LATS2: variants seen among roughly 807,000 people sequenced by gnomAD.
LATS2 encodes the protein serine/threonine-protein kinase LATS2.
A neutral mutation model predicts 76.0 loss-of-function variants in LATS2; 24 were observed. The ratio of observed to expected loss-of-function variants is 0.32; its 90% CI spans 0.23 to 0.44. The LOEUF (loss-of-function observed/expected upper bound fraction) is 0.44, where lower values mean the gene tolerates loss of function less well. Ranked by LOEUF, LATS2 falls within the 20% of genes least tolerant of loss-of-function variation. LATS2 has a pLI of 1.00. For synonymous variants in LATS2, 692 were observed against 635.4 expected, an observed-to-expected ratio of 1.09 and a Z score of -1.34; for missense variants, 1,286 against 1,481.2, an observed-to-expected ratio of 0.87 and a Z score of 2.16.
chr13:21,056,120 C>T (rs985844010), intron 1 of LATS2, among the ~76,000 whole-genome samples: 20 of 152,186 alleles, frequency 1.3e-4, no homozygotes, highest in African/African-American at 4.8e-4. Context: ...TAAGGTCTCA[C>T]CTAGGTAGAA....
At chr13:21,009,504 A>G (rs966538679) in intron 2 of LATS2, among the ~76,000 whole-genome samples, 4 of 152,212 alleles carry the variant, frequency 2.6e-5, no homozygotes, top group African/African-American at 9.7e-5. Flanking sequence ...AAGCTAAAAC[A>G]ATTAACAGAC....
In LATS2 at chr13:21,045,741, C is replaced by T. The variant is rs1341269883; in HGVS notation, c.286G>A (p.Ala96Thr). 10 of 1,614,126 alleles carry T rather than the reference C, an allele frequency of 6.2e-6. No homozygotes were observed. Among genetic ancestry groups the T allele is most frequent in the Non-Finnish European group, 8.5e-6 (10 of 1,180,056 alleles). The change falls in exon 2 of 8, where the codon GCT (alanine) becomes ACT (threonine). Residue 96 changes from alanine to threonine, a missense_variant. Around this residue, in one of 5 missense-constraint regions of LATS2, gnomAD observed 101 missense variants for 141.4 expected, o/e 0.71. Coordinates refer to ENST00000382592, the MANE Select transcript of LATS2 (RefSeq NM_014572.3). ...PFANESGTSAAAEVNRQMLQE... is the reference protein window; with the variant it reads ...PFANESGTSATAEVNRQMLQE... ...AGCATTTGCCGGTTCACTTCTGCAG[C>T]TGCAGAGGTGCCCGATTCATTAGCA...
intron 7 of LATS2, among the ~76,000 whole-genome samples, chr13:20,976,053 G>A (rs1210586900): frequency 1.3e-5 from 2 of 152,210 alleles, no homozygotes; most frequent in Admixed American, 6.5e-5. Context: ...AAACTTCATA[G>A]GGAAGAATAA....
Position 21,002,575 on chromosome 13 carries a change from G to A in LATS2, c.343-11171C>T, listed in dbSNP as rs1249787610. Among the ~76,000 whole-genome samples the A allele has an allele frequency of 9.9e-5, 15 of 151,970 alleles. 2 individuals carry two copies. Among genetic ancestry groups the A allele is most frequent in the Admixed American group, 2.0e-4 (3 of 15,254 alleles). ...TATTTTTTAGTAGAGATGGGGTTTC[G>A]CCATGTTGCCCAGGATGGTCTGGAA... On this transcript the variant is annotated intron_variant, in intron 2 of 7. Coordinates refer to ENST00000382592, the MANE Select transcript of LATS2 (RefSeq NM_014572.3).
At chr13:21,011,534 T>A (rs965373733) in intron 2 of LATS2, among the ~76,000 whole-genome samples, 1 of 152,228 alleles carries the variant, frequency 6.6e-6, no homozygotes, top group African/African-American at 2.4e-5. Flanking sequence ...ATGGTAATTT[T>A]GCATGGCTGA....
chr13:20,976,325 T>C (rs910174199), intron 7 of LATS2, among the ~76,000 whole-genome samples: 15 of 152,196 alleles, frequency 9.9e-5, no homozygotes, highest in Admixed American at 3.9e-4. Context: ...GTTGTTTTCA[T>C]AGAGCTAAAA....
At position 21,058,188 on chromosome 13, in the gene LATS2, T is replaced by C. The variant is rs149530843; in HGVS notation, c.-205+3158A>G. 3.5e-3 allele frequency among the ~76,000 whole-genome samples: 537 copies of C among 152,370 alleles called. 1 individual carries two copies. The highest frequency in any genetic ancestry group is 0.013 in the African/African-American group (522 of 41,598). On this transcript the variant is annotated intron_variant, in intron 1 of 7. Coordinates refer to ENST00000382592, the MANE Select transcript of LATS2 (RefSeq NM_014572.3). ...ACAGATTTAGTCAAGACAGAGTCAA[T>C]GCATTTGAATTTACCTTCTGTATTT...
chr13:20,978,350 A>T (rs1869721336), intron 7 of LATS2, among the ~76,000 whole-genome samples: 1 of 152,138 alleles, frequency 6.6e-6, no homozygotes, highest in South Asian at 2.1e-4. Context: ...TGTCCACAGA[A>T]GACTGCAGAT....
At chr13:21,026,743 C>A (rs1017349653) in intron 2 of LATS2, among the ~76,000 whole-genome samples, 1 of 152,060 alleles carries the variant, frequency 6.6e-6, no homozygotes, top group Admixed American at 6.6e-5. Context: ...ATTGTTTGAG[C>A]CCAGGAGATG....
chr13:21,014,362 GAC>G (rs1487669215), intron 2 of LATS2, among the ~76,000 whole-genome samples: 1 of 152,082 alleles, frequency 6.6e-6, no homozygotes, highest in African/African-American at 2.4e-5. Flanking sequence ...ATGAGCCAAA[GAC>G]AGCCCTGACA....
chr13:21,048,779 G>C (rs993832949), intron 1 of LATS2, among the ~76,000 whole-genome samples: 1 of 152,108 alleles, frequency 6.6e-6, no homozygotes, highest in Non-Finnish European at 1.5e-5. Context: ...GGGGGTTGCA[G>C]TGAGCCGAGA....
Position 20,987,195 on chromosome 13 carries a change from A to C in LATS2, c.1899+686T>G, listed in dbSNP as rs150446393. On this transcript the variant is annotated intron_variant, in intron 4 of 7. Transcript: ENST00000382592. The stretch of plus-strand genomic sequence containing the variant: ...GGGTGACAGAGCAAGACTCCGTCTA[A>C]AAATAAATTAAAAAATAAAAAATAA... Among the ~76,000 whole-genome samples the C allele has an allele frequency of 5.7e-3, 823 of 144,268 alleles. 10 individuals carry two copies. The highest frequency in any genetic ancestry group is 0.02 in the African/African-American group (791 of 38,996). The allele number at this position is 144,268 out of a possible 152,430, so 94.6% of individuals were successfully genotyped here.
chr13:21,050,487 CA>C (rs1316907045), intron 1 of LATS2, among the ~76,000 whole-genome samples: 1 of 152,192 alleles, frequency 6.6e-6, no homozygotes, highest in Admixed American at 6.6e-5. Flanking sequence ...TAGTTTAGCA[CA>C]TTTCTTTCAA....
chr13:20,999,299 C>A (rs1287853758), intron 2 of LATS2, among the ~76,000 whole-genome samples: 2 of 152,254 alleles, frequency 1.3e-5, no homozygotes, highest in Admixed American at 6.5e-5. Context: ...AAACCAGACA[C>A]ACGCCCGGAA....
chr13:20,998,692 G>A (rs1310250747), intron 2 of LATS2, among the ~76,000 whole-genome samples: 19 of 152,218 alleles, frequency 1.2e-4, no homozygotes, highest in Admixed American at 8.5e-4. Context: ...CCCTGAGCGC[G>A]GCGCTCCCGG....
intron 2 of LATS2, among the ~76,000 whole-genome samples, chr13:21,043,103 C>A (rs752909480): frequency 1.3e-5 from 2 of 152,050 alleles, no homozygotes; most frequent in African/African-American, 4.8e-5. Flanking sequence ...GGAGGCCGAA[C>A]GAAGCAGGCA....
chr13:21,052,410 G>A (rs1275310161), intron 1 of LATS2, among the ~76,000 whole-genome samples: 1 of 152,050 alleles, frequency 6.6e-6, no homozygotes, highest in African/African-American at 2.4e-5. Context: ...GAGTGCAGTG[G>A]CTCAATCTCA....
rs199516698 is a variant in LATS2, at chr13:20,974,423, CTTT to C, written c.*444_*446del. On this transcript the variant is annotated 3_prime_UTR_variant, in exon 8 of 8. Transcript: ENST00000382592. Reference sequence around the variant, plus strand: ...TCCGTGACATTGAGCAGAGTGTTATCTTTTTTTTTTTTTACATTATTGCACAGA... The same window carrying C: ...TCCGTGACATTGAGCAGAGTGTTATCTTTTTTTTTTACATTATTGCACAGA... The C allele has an allele frequency of 7.7e-5, 16 of 206,572 alleles. No individual in the cohort carries two copies. The highest frequency in any genetic ancestry group is 1.1e-4 in the Non-Finnish European group (11 of 103,626). 12.8% of individuals were successfully genotyped at this position (206,572 alleles called of 1,614,324 possible).
At chr13:20,987,851 A>G (rs779019947) in intron 4 of LATS2, 30 bp downstream of exon 4, 2 of 1,601,062 alleles carry the variant, frequency 1.2e-6, no homozygotes, top group South Asian at 2.3e-5. Flanking sequence ...TGAGCCGGGA[A>G]CAAATAGTAA....
Sources: allele counts gnomAD v4.1 joint callset (sites outside exome capture counted in the v4.1 genomes callset), GRCh38; gene constraint gnomAD v4.1.1; regional missense constraint gnomAD v4.1.1; transcripts MANE v1.5; gene names NCBI Gene and HGNC (gene_info 2026-07-23, HGNC 2026-07-21).